The following TOMM34 variants were observed in gnomAD, a reference collection of about 807,000 sequenced individuals.
TOMM34 encodes mitochondrial import receptor subunit TOM34.
TOMM34 carries 24 observed loss-of-function variants against 37.4 expected under a neutral mutation model. That is an observed-to-expected ratio of 0.64 (90% CI 0.46 to 0.90). The LOEUF is 0.90. Ranked by LOEUF, TOMM34 falls within the 40% of genes least tolerant of loss-of-function variation. The pLI is 0.00. For synonymous variants in TOMM34, 154 were observed against 148.9 expected, an observed-to-expected ratio of 1.03 and a Z score of -0.25; for missense variants, 304 against 375.6, an observed-to-expected ratio of 0.81 and a Z score of 1.58.
intron 5 of TOMM34, 79 bp downstream of exon 5, chr20:44,948,651 A>C: frequency 2.2e-5 from 33 of 1,495,334 alleles, no homozygotes; most frequent in Non-Finnish European, 2.4e-5. Flanking sequence ...CTAGGGATGA[A>C]GGGCCCATTG....
intron 1 of TOMM34, among the ~76,000 whole-genome samples, 157 bp from the exon 2 acceptor site, chr20:44,956,642 T>C (rs2067075778): frequency 6.6e-6 from 1 of 152,226 alleles, no homozygotes; most frequent in Non-Finnish European, 1.5e-5. Flanking sequence ...CTGGCGTGTT[T>C]GTCATTCTTA....
In TOMM34 at chr20:44,951,702, A is replaced by G. The variant is rs535762890; in HGVS notation, c.550+131T>C. 5.0e-5 allele frequency: 58 copies of G among 1,153,766 alleles called. No homozygotes were observed. In the South Asian group the frequency reaches 8.5e-4, roughly 17 times the overall value. The allele number at this position is 1,153,766 out of a possible 1,614,324, so 71.5% of individuals were successfully genotyped here. On this transcript the variant is annotated intron_variant, in intron 4 of 6. Coordinates refer to ENST00000372813, the MANE Select transcript of TOMM34 (RefSeq NM_006809.5). ...CAGTCTCTAAGAGGTGAAGACTTGTATTTTGTTTTATACTTTGTTCCTAAG... is the reference window on the plus strand; with the variant it reads ...CAGTCTCTAAGAGGTGAAGACTTGTGTTTTGTTTTATACTTTGTTCCTAAG...
chr20:44,953,157 T>A (rs1349379100), intron 3 of TOMM34, among the ~76,000 whole-genome samples: 1 of 152,140 alleles, frequency 6.6e-6, no homozygotes, highest in Non-Finnish European at 1.5e-5. Context: ...ACCGTCAGCA[T>A]TTAAGTCCCT....
At chr20:44,956,545 G>T in intron 1 of TOMM34, 60 bp from the exon 2 acceptor site, 1 of 1,532,384 alleles carries the variant, frequency 6.5e-7, no homozygotes, top group South Asian at 1.1e-5. Flanking sequence ...AGGGCATTAG[G>T]ATACATTTCA....
chr20:44,958,545 C>T, intron 1 of TOMM34: 1 of 335,352 alleles, frequency 3.0e-6, no homozygotes, highest in South Asian at 2.4e-5. Context: ...GAGGATATCA[C>T]TTCATAGACT....
At chr20:44,955,706 C>T (rs958137491) in intron 2 of TOMM34, 8 of 449,984 alleles carry the variant, frequency 1.8e-5, no homozygotes, top group African/African-American at 1.0e-4. Flanking sequence ...TGGTTGTGAA[C>T]ACTCAAAGAG....
At chr20:44,958,117 C>CATATATATATATGTAT (rs2067090964) in intron 1 of TOMM34, among the ~76,000 whole-genome samples, 3 of 146,376 alleles carry the variant, frequency 2.0e-5, no homozygotes, top group Non-Finnish European at 4.5e-5. Flanking sequence ...TATACATGTA[C>CATATATATATATGTAT]ATGTATATAT....
At chr20:44,957,873 C>T (rs909034951) in intron 1 of TOMM34, among the ~76,000 whole-genome samples, 2 of 151,992 alleles carry the variant, frequency 1.3e-5, no homozygotes, top group African/African-American at 4.8e-5. Flanking sequence ...GAATGCCTAG[C>T]CTCAAGTGAT....
chr20:44,944,046 C>G (rs141577628), intron 5 of TOMM34, among the ~76,000 whole-genome samples: 136 of 152,142 alleles, frequency 8.9e-4, no homozygotes, highest in African/African-American at 3.2e-3. Flanking sequence ...AAGACGTTTG[C>G]AATTTACTTT....
intron 5 of TOMM34, among the ~76,000 whole-genome samples, chr20:44,945,300 CAACTT>C (rs2066970858): frequency 6.6e-6 from 1 of 152,182 alleles, no homozygotes; most frequent in South Asian, 2.1e-4. Context: ...CTTCTTGTAA[CAACTT>C]AAAAGACAGG....
chr20:44,948,793 G>A lies in TOMM34; in HGVS notation c.635C>T (p.Ala212Val). The change falls in exon 5 of 7, where the codon GCT (alanine) becomes GTT (valine). Residue 212 changes from alanine to valine, a missense_variant. Transcript: ENST00000372813. Reference sequence around the variant, plus strand: ...GAGGCTTTCACTGTACTTCTCAATAGCTTTCTTATGGTTTCCCTTCTTTAC... The same window carrying A: ...GAGGCTTTCACTGTACTTCTCAATAACTTTCTTATGGTTTCCCTTCTTTAC... ...ELVKKGNHKK[A>V]IEKYSESLLC... 1 of 1,614,082 alleles carries A rather than the reference G, an allele frequency of 6.2e-7. No homozygotes were observed. Among genetic ancestry groups the A allele is most frequent in the South Asian group, 1.1e-5 (1 of 91,074 alleles).
chr20:44,945,413 G>A (rs1380746329), intron 5 of TOMM34, among the ~76,000 whole-genome samples: 1 of 152,258 alleles, frequency 6.6e-6, no homozygotes, highest in South Asian at 2.1e-4. Context: ...ACCAACAGAG[G>A]ACAGAGGAAG....
Position 44,942,835 on chromosome 20 carries a change from C to T in TOMM34, c.*274G>A. 1.9e-6 allele frequency: 1 copy of T among 527,152 alleles called. No homozygotes were observed. Among genetic ancestry groups the T allele is most frequent in the Non-Finnish European group, 3.4e-6 (1 of 294,540 alleles). 32.7% of individuals were successfully genotyped at this position (527,152 alleles called of 1,614,324 possible). A position where few individuals can be genotyped will look rare whatever the true frequency, so the allele number is the denominator to read the frequency against. ...GATGAGGATCTGTTGGTGTGATCAG[C>T]TAGCTGGGCTGGGGGAATAGGGACA... On this transcript the variant is annotated 3_prime_UTR_variant, in exon 7 of 7. Transcript: ENST00000372813.
intron 2 of TOMM34, chr20:44,955,478 C>G (rs763402435): frequency 1.2e-5 from 7 of 602,682 alleles, no homozygotes; most frequent in Non-Finnish European, 2.2e-5. Context: ...TTTCAGTTCC[C>G]CCAAAATCAA....
chr20:44,950,338 C>T (rs1232480142), intron 4 of TOMM34, among the ~76,000 whole-genome samples: 1 of 152,180 alleles, frequency 6.6e-6, no homozygotes, highest in African/African-American at 2.4e-5. Context: ...AGTCTTTCCC[C>T]GACTCCCTCA....
intron 3 of TOMM34, among the ~76,000 whole-genome samples, chr20:44,953,392 T>C (rs1568662987): frequency 1.3e-5 from 2 of 152,188 alleles, no homozygotes; most frequent in Non-Finnish European, 2.9e-5. Flanking sequence ...CTTGAAATAC[T>C]CCTTCCCTTG....
chr20:44,952,121 T>C (rs2067032164), intron 3 of TOMM34, 119 bp from the exon 4 acceptor site: 2 of 1,250,734 alleles, frequency 1.6e-6, no homozygotes, highest in East Asian at 2.5e-5. Flanking sequence ...ACCCTCCCCC[T>C]GGTCGGAACC....
chr20:44,958,517 C>T (rs1478490451), intron 1 of TOMM34: 10 of 389,616 alleles, frequency 2.6e-5, no homozygotes, highest in East Asian at 7.3e-5. Context: ...TCTGATCATG[C>T]GTGCCCACCT....
At chr20:44,952,620 G>A in intron 3 of TOMM34, 1 of 717,308 alleles carries the variant, frequency 1.4e-6, no homozygotes, top group South Asian at 1.5e-5. Flanking sequence ...TCCAGGCCCG[G>A]CTAACTCCAA....
Sources: allele counts gnomAD v4.1 joint callset (sites outside exome capture counted in the v4.1 genomes callset), GRCh38; gene constraint gnomAD v4.1.1; transcripts MANE v1.5; gene names NCBI Gene and HGNC (gene_info 2026-07-23, HGNC 2026-07-21).